PPARGC1A: variants seen among roughly 807,000 people sequenced by gnomAD.
PPARGC1A encodes the protein peroxisome proliferator-activated receptor gamma coactivator 1-alpha.
PPARGC1A carries 25 observed loss-of-function variants against 88.7 expected under a neutral mutation model. That is an observed-to-expected ratio of 0.28 (90% CI 0.21 to 0.39). The LOEUF (loss-of-function observed/expected upper bound fraction) is 0.39. Ranked by LOEUF, PPARGC1A falls within the 10% of genes least tolerant of loss-of-function variation. The pLI is 1.00. For synonymous variants in PPARGC1A, 363 were observed against 355.6 expected (o/e 1.02, Z -0.24); for missense variants, 880 against 968.7 (o/e 0.91, Z 1.22).
At chr4:24,226,226 C>T in the PPARGC1A span, among the ~76,000 whole-genome samples, 1 of 152,142 alleles carries the variant, frequency 6.6e-6, no homozygotes, top group Non-Finnish European at 1.5e-5. Flanking sequence ...GTGTTCATTC[C>T]GGCCGGGCTG....
chr4:24,460,773 T>C, the PPARGC1A span, among the ~76,000 whole-genome samples: 1 of 152,188 alleles, frequency 6.6e-6, no homozygotes, highest in African/African-American at 2.4e-5. Context: ...TCACAGTGTG[T>C]CCTCAATTTC....
chr4:23,990,061 T>C, the PPARGC1A span, among the ~76,000 whole-genome samples: 1 of 134,866 alleles, frequency 7.4e-6, no homozygotes, highest in Non-Finnish European at 1.6e-5. Context: ...AGCATTATAA[T>C]TATTAATTAT....
At chr4:24,139,932 G>A in the PPARGC1A span, among the ~76,000 whole-genome samples, 17 of 152,274 alleles carry the variant, frequency 1.1e-4, no homozygotes, top group African/African-American at 3.4e-4. Context: ...AAGTTCGTCT[G>A]AAAACCCAAC....
chr4:23,911,744 G>GC, the PPARGC1A span, among the ~76,000 whole-genome samples: 1 of 152,032 alleles, frequency 6.6e-6, no homozygotes, highest in Non-Finnish European at 1.5e-5. Context: ...ATACTAACAT[G>GC]CATATTGGTA....
intron 2 of PPARGC1A, among the ~76,000 whole-genome samples, chr4:23,854,450 A>C (rs1729838359): frequency 6.6e-6 from 1 of 152,220 alleles, no homozygotes; most frequent in South Asian, 2.1e-4. Flanking sequence ...CTTCATATAA[A>C]ATTTGATTAT....
At chr4:24,429,852 T>C in the PPARGC1A span, among the ~76,000 whole-genome samples, 1 of 152,030 alleles carries the variant, frequency 6.6e-6, no homozygotes, top group Admixed American at 6.5e-5. Flanking sequence ...GGTTTCACCA[T>C]GTTGGTCAGG....
At chr4:24,222,430 ATAGAGT>A in the PPARGC1A span, among the ~76,000 whole-genome samples, 2 of 152,230 alleles carry the variant, frequency 1.3e-5, no homozygotes, top group African/African-American at 2.4e-5. Flanking sequence ...TACTTATCTC[ATAGAGT>A]TAGTGTGAGA....
At chr4:24,305,083 T>A in the PPARGC1A span, among the ~76,000 whole-genome samples, 1 of 150,610 alleles carries the variant, frequency 6.6e-6, no homozygotes, top group African/African-American at 2.4e-5. Context: ...TACATAAGAA[T>A]GGTGGTTGTT....
intron 2 of PPARGC1A, among the ~76,000 whole-genome samples, chr4:23,854,259 A>C (rs1471083534): frequency 2.0e-5 from 3 of 152,194 alleles, no homozygotes. Flanking sequence ...TGTTGCCAGG[A>C]ATCCAGGCAA....
At chr4:24,401,015 C>CT in the PPARGC1A span, among the ~76,000 whole-genome samples, 69,735 of 99,380 alleles carry the variant, frequency 0.7, 26,678 homozygotes, top group East Asian at 0.82. Flanking sequence ...CCTGAATTTT[C>CT]TTTTTTTTTT....
chr4:24,331,644 T>A, the PPARGC1A span, among the ~76,000 whole-genome samples: 8 of 152,286 alleles, frequency 5.3e-5, no homozygotes, highest in South Asian at 1.7e-3. Flanking sequence ...ATGGAGCAGT[T>A]GTGCTCATGT....
the PPARGC1A span, among the ~76,000 whole-genome samples, chr4:23,934,664 G>A: frequency 3.3e-5 from 5 of 152,150 alleles, no homozygotes; most frequent in African/African-American, 1.2e-4. Flanking sequence ...TGCTGGTGAA[G>A]CTAATCATAT....
chr4:23,821,700 T>C (rs541849659), intron 7 of PPARGC1A, among the ~76,000 whole-genome samples: 35 of 152,186 alleles, frequency 2.3e-4, no homozygotes, highest in African/African-American at 7.7e-4. Flanking sequence ...TCATATTTTA[T>C]CTCATTTAAT....
the PPARGC1A span, among the ~76,000 whole-genome samples, chr4:23,921,047 C>A: frequency 1.3e-5 from 2 of 152,052 alleles, no homozygotes; most frequent in African/African-American, 4.8e-5. Flanking sequence ...CCCGTGCCAC[C>A]CCCCACCCAC....
At chr4:24,037,240 T>C in the PPARGC1A span, among the ~76,000 whole-genome samples, 2 of 152,226 alleles carry the variant, frequency 1.3e-5, no homozygotes. Context: ...TTTTAATATA[T>C]AGCTGATAAT....
the PPARGC1A span, among the ~76,000 whole-genome samples, chr4:24,002,273 A>T: frequency 6.6e-6 from 1 of 152,032 alleles, no homozygotes; most frequent in Non-Finnish European, 1.5e-5. Context: ...GATGACAAGC[A>T]TGCGCCACCA....
intron 2 of PPARGC1A, among the ~76,000 whole-genome samples, chr4:23,860,887 C>T (rs1731130991): frequency 6.6e-6 from 1 of 152,164 alleles, no homozygotes. Flanking sequence ...GTAATATTTA[C>T]CTTCTGACCA....
At chr4:23,949,958 G>T in the PPARGC1A span, among the ~76,000 whole-genome samples, 39,020 of 151,890 alleles carry the variant, frequency 0.26, 6,375 homozygotes, top group Non-Finnish European at 0.38. Flanking sequence ...TAATTTCATC[G>T]TGCACTAAAA....
chr4:24,216,998 A>ACTATG, the PPARGC1A span, among the ~76,000 whole-genome samples: 1 of 152,372 alleles, frequency 6.6e-6, no homozygotes, highest in Middle Eastern at 3.4e-3. Flanking sequence ...GTAGGTCATC[A>ACTATG]CTATGCTATG....
Sources: gnomAD v4.1 joint callset for allele counts (sites outside exome capture counted in the v4.1 genomes callset) on GRCh38, gnomAD v4.1.1 for gene constraint, MANE v1.5 for transcripts, NCBI Gene and HGNC (gene_info 2026-07-23, HGNC 2026-07-21) for gene names.